The following MMP16 variants were observed in gnomAD, a reference collection of about 807,000 sequenced individuals.
MMP16 encodes matrix metalloproteinase-16.
MMP16 carries 12 observed loss-of-function variants against 67.8 expected under a neutral mutation model. The observed-to-expected ratio is 0.18, with a 90% CI of 0.11 to 0.29. The LOEUF is 0.29. Ranked by LOEUF, MMP16 falls within the 10% of genes least tolerant of loss-of-function variation. MMP16 has a pLI of 1.00. For synonymous variants in MMP16, 249 were observed against 255.9 expected (o/e 0.97, Z 0.26); for missense variants, 475 against 765.7 (o/e 0.62, Z 4.48).
intron 4 of MMP16, among the ~76,000 whole-genome samples, chr8:88,124,534 AAAC>A (rs1353028415): frequency 6.6e-6 from 1 of 151,916 alleles, no homozygotes; most frequent in Admixed American, 6.6e-5. Context: ...CCGTAGCCCT[AAAC>A]ATCTTTTCAA....
intron 3 of MMP16, among the ~76,000 whole-genome samples, chr8:88,173,503 C>G (rs1006562399): frequency 6.6e-6 from 1 of 151,994 alleles, no homozygotes; most frequent in African/African-American, 2.4e-5. Flanking sequence ...ATCTCCTTTA[C>G]TCAATTAAAT....
Position 88,275,002 on chromosome 8 carries a change from C to A in MMP16, c.132+52073G>T, listed in dbSNP as rs372344546. On this transcript the variant is annotated intron_variant, in intron 1 of 9. Coordinates refer to ENST00000286614, the MANE Select transcript of MMP16 (RefSeq NM_005941.5). Reference sequence around the variant, plus strand: ...ATCATTACCCAATTCTCTCACCTATCCTTACAAAAGATTATTGTCTTCTAA... The same window carrying A: ...ATCATTACCCAATTCTCTCACCTATACTTACAAAAGATTATTGTCTTCTAA... Among the ~76,000 whole-genome samples, 188 of 152,050 alleles carry A rather than the reference C, an allele frequency of 1.2e-3. 2 individuals carry two copies. Among genetic ancestry groups the A allele is most frequent in the African/African-American group, 3.9e-3 (160 of 41,532 alleles).
chr8:88,191,072 T>G (rs977583427), intron 2 of MMP16, among the ~76,000 whole-genome samples: 2 of 152,298 alleles, frequency 1.3e-5, no homozygotes, highest in Non-Finnish European at 2.9e-5. Context: ...ATTTAATTTT[T>G]GGGAATTTTA....
chr8:88,256,001 C>T (rs1278473223), intron 1 of MMP16, among the ~76,000 whole-genome samples: 1 of 152,146 alleles, frequency 6.6e-6, no homozygotes, highest in African/African-American at 2.4e-5. Flanking sequence ...GGTTGAATCT[C>T]AAGGTTGTCC....
chr8:88,183,204 T>C (rs1201568343), intron 3 of MMP16, among the ~76,000 whole-genome samples: 1 of 152,254 alleles, frequency 6.6e-6, no homozygotes, highest in African/African-American at 2.4e-5. Context: ...TCAACTTAAG[T>C]GGTAATAATG....
intron 1 of MMP16, among the ~76,000 whole-genome samples, chr8:88,280,567 T>C (rs1293248700): frequency 6.6e-6 from 1 of 152,130 alleles, no homozygotes; most frequent in Non-Finnish European, 1.5e-5. Context: ...GACAGGTAAA[T>C]AGAAATTATT....
chr8:88,084,070 T>C (rs1468389485), intron 6 of MMP16, among the ~76,000 whole-genome samples: 1 of 152,056 alleles, frequency 6.6e-6, no homozygotes, highest in Non-Finnish European at 1.5e-5. Flanking sequence ...CATTTACCAA[T>C]GTTATTAAAA....
At chr8:88,083,475 AG>A (rs1223067573) in intron 6 of MMP16, among the ~76,000 whole-genome samples, 1 of 152,090 alleles carries the variant, frequency 6.6e-6, no homozygotes, top group Non-Finnish European at 1.5e-5. Context: ...GCTTAAGCAA[AG>A]GGTAAATTTG....
chr8:88,126,886 C>A (rs1473956590), intron 4 of MMP16, among the ~76,000 whole-genome samples: 1 of 151,672 alleles, frequency 6.6e-6, no homozygotes, highest in Non-Finnish European at 1.5e-5. Flanking sequence ...TGCATAGTTT[C>A]TAGAATATAG....
intron 1 of MMP16, among the ~76,000 whole-genome samples, chr8:88,200,585 T>C (rs1195201277): frequency 6.6e-6 from 1 of 152,040 alleles, no homozygotes; most frequent in Admixed American, 6.6e-5. Context: ...TAAGATGATA[T>C]ATCCAGCAGT....
intron 1 of MMP16, among the ~76,000 whole-genome samples, chr8:88,249,937 T>C (rs1187645710): frequency 6.6e-6 from 1 of 152,114 alleles, no homozygotes; most frequent in Non-Finnish European, 1.5e-5. Flanking sequence ...AACAAGAATT[T>C]TATGTAATGT....
chr8:88,303,584 CT>C lies in MMP16; in HGVS notation c.132+23490del, dbSNP rs1445041164. 4.6e-5 allele frequency among the ~76,000 whole-genome samples: 7 copies of C among 152,316 alleles called. 1 individual carries two copies. The Middle Eastern group carries it at 0.017, about 370-fold the overall frequency. ...AGGCTGGCAATAGGACAGTACCCCC[CT>C]GGGACAGAGCCTTCAGAAGAAGGAG... is the stretch of plus-strand genomic sequence containing the variant. On this transcript the variant is annotated intron_variant, in intron 1 of 9. Transcript: ENST00000286614.
intron 4 of MMP16, among the ~76,000 whole-genome samples, chr8:88,154,645 C>T (rs960402344): frequency 1.3e-5 from 2 of 150,162 alleles, no homozygotes; most frequent in South Asian, 2.1e-4. Context: ...CATATTCTCA[C>T]TCATAGGTGG....
chr8:88,248,463 TAA>T (rs1283024116), intron 1 of MMP16, among the ~76,000 whole-genome samples: 1 of 151,790 alleles, frequency 6.6e-6, no homozygotes, highest in Non-Finnish European at 1.5e-5. Flanking sequence ...ATGGAAAATG[TAA>T]AAAAAAGTTT....
At position 88,327,481 on chromosome 8, in the gene MMP16, C is replaced by T; in HGVS notation, c.-275G>A. ...CGCCTAAGTTCACCGGCGGTTCCGGCTCAAAGAGCCTAGTCGCAGCCGCAG... is the reference window on the plus strand; with the variant it reads ...CGCCTAAGTTCACCGGCGGTTCCGGTTCAAAGAGCCTAGTCGCAGCCGCAG... On this transcript the variant is annotated 5_prime_UTR_variant, in exon 1 of 10. Transcript: ENST00000286614. 8.7e-6 allele frequency: 4 copies of T among 457,700 alleles called. 1 individual carries two copies. Among genetic ancestry groups the T allele is most frequent in the Non-Finnish European group, 1.6e-5 (4 of 247,524 alleles). The allele number at this position is 457,700 out of a possible 1,614,324, so 28.4% of individuals were successfully genotyped here. A position where few individuals can be genotyped will look rare whatever the true frequency, so the allele number is the denominator to read the frequency against.
intron 1 of MMP16, among the ~76,000 whole-genome samples, chr8:88,240,381 A>G (rs1242608476): frequency 6.6e-6 from 1 of 152,186 alleles, no homozygotes; most frequent in Non-Finnish European, 1.5e-5. Context: ...GGTGGCCTTG[A>G]GGCAGAAGGA....
At chr8:88,238,150 G>C (rs995925896) in intron 1 of MMP16, among the ~76,000 whole-genome samples, 1 of 152,112 alleles carries the variant, frequency 6.6e-6, no homozygotes, top group Non-Finnish European at 1.5e-5. Flanking sequence ...ACCTGTACTA[G>C]GCAAGCAATG....
intron 6 of MMP16, among the ~76,000 whole-genome samples, chr8:88,110,476 A>G (rs1809314695): frequency 2.0e-5 from 3 of 151,668 alleles, no homozygotes; most frequent in African/African-American, 7.2e-5. Context: ...TCTGCTTTCA[A>G]TGTCTTGACG....
chr8:88,203,149 G>GC (rs1233040145), intron 1 of MMP16, among the ~76,000 whole-genome samples: 2 of 136,394 alleles, frequency 1.5e-5, no homozygotes, highest in African/African-American at 5.4e-5. Context: ...CTGTCACTAG[G>GC]CTGGAGTGCA....
Sources: gnomAD v4.1 joint callset for allele counts (sites outside exome capture counted in the v4.1 genomes callset) on GRCh38, gnomAD v4.1.1 for gene constraint, MANE v1.5 for transcripts, NCBI Gene and HGNC (gene_info 2026-07-23, HGNC 2026-07-21) for gene names.